The following CADM1 variants were observed in gnomAD, a reference collection of about 807,000 sequenced individuals.
The protein encoded by CADM1 is TSLC-1.
Under a neutral mutation model 53.1 loss-of-function variants are expected in CADM1, and 15 were observed. The observed-to-expected ratio is 0.28, with a 90% CI of 0.19 to 0.44. The LOEUF (loss-of-function observed/expected upper bound fraction) is 0.44. Ranked by LOEUF, CADM1 falls within the 20% of genes least tolerant of loss-of-function variation. The pLI is 1.00. For synonymous variants in CADM1, 281 were observed against 243.0 expected (o/e 1.16, Z -1.45); for missense variants, 434 against 611.3 (o/e 0.71, Z 3.06).
chr11:115,240,487 A>G, intron 1 of CADM1, 67 bp from the exon 2 acceptor site: 1 of 1,534,634 alleles, frequency 6.5e-7, no homozygotes, highest in South Asian at 1.1e-5. Context: ...AGTGGGATCT[A>G]TTAAAGTGGG....
chr11:115,324,315 C>T (rs1944902806), intron 1 of CADM1, among the ~76,000 whole-genome samples: 2 of 152,120 alleles, frequency 1.3e-5, no homozygotes, highest in African/African-American at 4.8e-5. Context: ...AACTACCTAA[C>T]ATTTTTCTCT....
intron 1 of CADM1, among the ~76,000 whole-genome samples, chr11:115,271,067 A>G (rs1325072872): frequency 6.6e-6 from 1 of 152,220 alleles, no homozygotes; most frequent in Admixed American, 6.5e-5. Context: ...AACCTGGATG[A>G]GGGACAGAGG....
chr11:115,298,111 T>C (rs1944126993), intron 1 of CADM1, among the ~76,000 whole-genome samples: 1 of 152,182 alleles, frequency 6.6e-6, no homozygotes, highest in African/African-American at 2.4e-5. Context: ...TGGGAATAAT[T>C]GTTGCCGTGA....
At chr11:115,452,055 C>A (rs1948583650) in intron 1 of CADM1, among the ~76,000 whole-genome samples, 1 of 149,228 alleles carries the variant, frequency 6.7e-6, no homozygotes, top group Admixed American at 6.8e-5. Flanking sequence ...ATATGTCCTC[C>A]CAGGTCTAGA....
chr11:115,463,519 T>C (rs1948836795), intron 1 of CADM1, among the ~76,000 whole-genome samples: 1 of 152,216 alleles, frequency 6.6e-6, no homozygotes, highest in African/African-American at 2.4e-5. Context: ...GAGAATGAGA[T>C]ATATATGTAC....
Position 115,293,273 on chromosome 11 carries a change from AAC to A in CADM1, c.125-52855_125-52854del, listed in dbSNP as rs547254284. Reference sequence around the variant, plus strand: ...TGGTGAAACCCCGTCTCTACTAAAAAACACAAACAATTAGCTGGGCGTGGTGG... The same window carrying A: ...TGGTGAAACCCCGTCTCTACTAAAAAACAAACAATTAGCTGGGCGTGGTGG... On this transcript the variant is annotated intron_variant, in intron 1 of 11. Transcript: ENST00000331581. 2.1e-4 allele frequency among the ~76,000 whole-genome samples: 32 copies of A among 152,256 alleles called. No individual in the cohort carries two copies. The South Asian group carries it at 3.1e-3, about 15-fold the overall frequency.
intron 1 of CADM1, among the ~76,000 whole-genome samples, chr11:115,462,157 C>A (rs967523410): frequency 1.3e-5 from 2 of 152,014 alleles, no homozygotes; most frequent in Non-Finnish European, 1.5e-5. Flanking sequence ...TACTGTGGGG[C>A]GGGCAAAGAA....
At chr11:115,301,487 A>G (rs937346394) in intron 1 of CADM1, among the ~76,000 whole-genome samples, 2 of 152,152 alleles carry the variant, frequency 1.3e-5, no homozygotes, top group African/African-American at 4.8e-5. Flanking sequence ...CTAGTCTTTC[A>G]GAGTCTTTTG....
chr11:115,206,755 CTTCTTTTTTTTT>C (rs1940704251), intron 8 of CADM1, among the ~76,000 whole-genome samples: 2 of 5,430 alleles, frequency 3.7e-4, no homozygotes, highest in Non-Finnish European at 1.2e-3. Flanking sequence ...TGACTGTGGA[CTTCTTTTTTTTT>C]TTTTTTTTTT....
At chr11:115,349,183 C>A (rs1945660946) in intron 1 of CADM1, among the ~76,000 whole-genome samples, 1 of 152,112 alleles carries the variant, frequency 6.6e-6, no homozygotes, top group Non-Finnish European at 1.5e-5. Context: ...TCAGCCGCAT[C>A]CCAGTAAAAC....
Position 115,326,027 on chromosome 11 carries a change from C to T in CADM1, c.125-85607G>A, listed in dbSNP as rs545940534. 1.3e-3 allele frequency among the ~76,000 whole-genome samples: 201 copies of T among 152,276 alleles called. 3 individuals are homozygous for T. The highest frequency in any genetic ancestry group is 4.5e-3 in the African/African-American group (187 of 41,568). ...TAAAATAAAACTCAGAGGGGCAAAA[C>T]ATTACATACACACATATTTACACAA... On this transcript the variant is annotated intron_variant, in intron 1 of 11. Transcript: ENST00000331581.
intron 1 of CADM1, among the ~76,000 whole-genome samples, chr11:115,481,208 G>C (rs1054715965): frequency 6.6e-6 from 1 of 151,992 alleles, no homozygotes; most frequent in African/African-American, 2.4e-5. Flanking sequence ...TTTGCTCCAC[G>C]CATTGCCATC....
chr11:115,494,596 G>A (rs1949570414), intron 1 of CADM1, among the ~76,000 whole-genome samples: 1 of 152,006 alleles, frequency 6.6e-6, no homozygotes, highest in Non-Finnish European at 1.5e-5. Flanking sequence ...GTGTTCTTCA[G>A]TTTCACCTTA....
At chr11:115,308,175 G>GTGTGTATA (rs1353212174) in intron 1 of CADM1, among the ~76,000 whole-genome samples, 153 of 117,432 alleles carry the variant, frequency 1.3e-3, no homozygotes, top group Middle Eastern at 9.2e-3. Flanking sequence ...GTGTGTGTGT[G>GTGTGTATA]TATATCACTC....
intron 1 of CADM1, among the ~76,000 whole-genome samples, chr11:115,424,493 C>A (rs994541021): frequency 1.3e-5 from 2 of 152,078 alleles, no homozygotes; most frequent in African/African-American, 4.8e-5. Flanking sequence ...TAAGACAAAC[C>A]TGTAGGAAAA....
chr11:115,319,352 C>G (rs1944761092), intron 1 of CADM1, among the ~76,000 whole-genome samples: 1 of 152,072 alleles, frequency 6.6e-6, no homozygotes, highest in Admixed American at 6.6e-5. Flanking sequence ...AGATGACCAT[C>G]AGTAAAAAAG....
intron 1 of CADM1, among the ~76,000 whole-genome samples, chr11:115,246,756 C>T (rs1342729059): frequency 1.3e-5 from 2 of 152,176 alleles, no homozygotes; most frequent in East Asian, 3.8e-4. Context: ...TTTTATGTAG[C>T]ATTTATAACA....
intron 1 of CADM1, among the ~76,000 whole-genome samples, chr11:115,279,781 A>C (rs1943539594): frequency 6.6e-6 from 1 of 152,226 alleles, no homozygotes; most frequent in South Asian, 2.1e-4. Context: ...ACATACCCAA[A>C]TATATTAAGC....
At chr11:115,439,301 T>C (rs895324587) in intron 1 of CADM1, among the ~76,000 whole-genome samples, 1 of 152,162 alleles carries the variant, frequency 6.6e-6, no homozygotes, top group Non-Finnish European at 1.5e-5. Context: ...TTTCATGTCA[T>C]GGCATTTCAA....
Sources: gnomAD v4.1 joint callset for allele counts (sites outside exome capture counted in the v4.1 genomes callset) on GRCh38, gnomAD v4.1.1 for gene constraint, MANE v1.5 for transcripts, NCBI Gene and HGNC (gene_info 2026-07-23, HGNC 2026-07-21) for gene names.